DDX17: variants seen among roughly 807,000 people sequenced by gnomAD.
The protein encoded by DDX17 is DEAD-box helicase 17, also known as probable ATP-dependent RNA helicase DDX17.
DDX17 carries 10 observed loss-of-function variants against 80.8 expected under a neutral mutation model. The ratio of observed to expected loss-of-function variants is 0.12; its 90% CI spans 0.08 to 0.21. The LOEUF (loss-of-function observed/expected upper bound fraction) is 0.21. Ranked by LOEUF, DDX17 falls within the 10% of genes least tolerant of loss-of-function variation. The probability of loss-of-function intolerance (pLI) is 1.00; values close to 1 mark genes in which losing one functional copy is unlikely to be tolerated. For missense variants in DDX17, 586 were observed against 957.4 expected (o/e 0.61, Z 5.12); for synonymous variants, 339 against 336.2 (o/e 1.01, Z -0.09).
intron 11 of DDX17, chr22:38,488,549 A>G: frequency 2.0e-6 from 2 of 998,800 alleles, no homozygotes; most frequent in Non-Finnish European, 2.4e-6. Context: ...GAAGCCTGGC[A>G]AAATCTACCA....
At chr22:38,495,246 AT>A (rs138442) in intron 6 of DDX17, among the ~76,000 whole-genome samples, 200 bp from the exon 7 acceptor site, 35 of 130,634 alleles carry the variant, frequency 2.7e-4, no homozygotes, top group East Asian at 6.6e-4. Flanking sequence ...CAGAGAAGCT[AT>A]TTTTTTTTTT....
chr22:38,497,745 G>A lies in DDX17; in HGVS notation c.738+340C>T, dbSNP rs557730818. Among the ~76,000 whole-genome samples, 7 of 151,168 alleles carry A rather than the reference G, an allele frequency of 4.6e-5. No individual in the cohort carries two copies. In the South Asian group the frequency reaches 1.3e-3, roughly 27 times the overall value. On this transcript the variant is annotated intron_variant, in intron 5 of 12. Coordinates refer to ENST00000403230, the MANE Select transcript of DDX17 (RefSeq NM_006386.5). ...AGTTTGAGACCAGCCTGACCAACACGGAGCGAACCTCCATCTCAAAAAAAC... is the reference window on the plus strand; with the variant it reads ...AGTTTGAGACCAGCCTGACCAACACAGAGCGAACCTCCATCTCAAAAAAAC...
In DDX17 at chr22:38,494,658, C is replaced by T; in HGVS notation, c.1186G>A (p.Val396Ile). 1 of 1,614,200 alleles carries T rather than the reference C, an allele frequency of 6.2e-7. No individual in the cohort carries two copies. Among genetic ancestry groups the T allele is most frequent in the Middle Eastern group, 1.6e-4 (1 of 6,062 alleles). ...TGGTCTTTTTCACTTTCCATGCAGA[C>T]ATCCACTATCTGGAGGATGTTGTGG... The change falls in exon 8 of 13, where the codon GTC (valine) becomes ATC (isoleucine). Residue 396 changes from valine (V) to isoleucine (I), a missense_variant. Physicochemically the swap from Val to Ile is conservative, Grantham distance 29. Coordinates refer to ENST00000403230, the MANE Select transcript of DDX17 (RefSeq NM_006386.5).
chr22:38,499,160 T>TA (rs758793828), intron 3 of DDX17, among the ~76,000 whole-genome samples: 2 of 152,132 alleles, frequency 1.3e-5, no homozygotes, highest in Non-Finnish European at 2.9e-5. Context: ...AGAAAGCAAT[T>TA]TCATTCTGCT....
At chr22:38,502,510 TATTA>T (rs1156311358) in intron 1 of DDX17, among the ~76,000 whole-genome samples, 1 of 151,258 alleles carries the variant, frequency 6.6e-6, no homozygotes, top group Non-Finnish European at 1.5e-5. Context: ...CAAATGGTAT[TATTA>T]ATTTACAGAG....
chr22:38,497,912 T>C (rs946063688), intron 5 of DDX17, among the ~76,000 whole-genome samples, 173 bp downstream of exon 5: 87 of 152,216 alleles, frequency 5.7e-4, no homozygotes, highest in African/African-American at 2.0e-3. Flanking sequence ...AGCTATTCAA[T>C]TGCTGAGTGA....
Position 38,494,972 on chromosome 22 carries a change from A to T in DDX17, c.955T>A (p.Cys319Ser). ...GCTTCGTCCAATACAAGGTAAGTAC[A>T]TCGGCGAAGATTTGTCTTTCCTGAC... Residue 319 changes from cysteine (C) to serine (S), a missense_variant, in exon 7 of 13, where the codon TGT becomes AGT. Physicochemically the swap from Cys to Ser is moderately radical, Grantham distance 112. Transcript: ENST00000403230. The T allele has an allele frequency of 6.2e-7, 1 of 1,614,226 alleles. No homozygotes were observed. The highest frequency in any genetic ancestry group is 1.1e-5 in the South Asian group (1 of 91,084).
At chr22:38,498,172 ACAAC>A in intron 4 of DDX17, 22 bp from the exon 5 acceptor site, 2 of 1,610,728 alleles carry the variant, frequency 1.2e-6, no homozygotes, top group Non-Finnish European at 1.7e-6. Flanking sequence ...GGAAAGAATG[ACAAC>A]CTTACGCTTA....
chr22:38,492,110 G>A lies in DDX17; in HGVS notation c.1393C>T (p.Arg465Cys). 6.2e-7 allele frequency: 1 copy of A among 1,609,578 alleles called. No homozygotes were observed. The highest frequency in any genetic ancestry group is 8.5e-7 in the Non-Finnish European group (1 of 1,177,988). Residue 465 changes from arginine (R) to cysteine (C), a missense_variant, in exon 11 of 13, where the codon CGT becomes TGT. Around this residue, in one of 4 missense-constraint regions of DDX17, gnomAD observed 141 missense variants for 379.3 expected, o/e 0.37. Transcript: ENST00000403230. ...ATAAGGATGGGTGCCTTTCCAGAAC[G>A]GAACTCTGTAAAAACAAACAATAAT...
At chr22:38,505,125 T>C in intron 1 of DDX17, 1 of 152,332 alleles carries the variant, frequency 6.6e-6, no homozygotes, top group Non-Finnish European at 1.5e-5. Flanking sequence ...ATCAGGCTGG[T>C]CTCGAACTCC....
chr22:38,502,679 T>C (rs1278164579), intron 1 of DDX17, among the ~76,000 whole-genome samples: 2 of 152,224 alleles, frequency 1.3e-5, no homozygotes, highest in Non-Finnish European at 2.9e-5. Context: ...AATCAGAAGC[T>C]ACTTTTCCTA....
At chr22:38,505,622 G>C (rs959604190) in intron 1 of DDX17, 12 of 283,514 alleles carry the variant, frequency 4.2e-5, no homozygotes, top group Non-Finnish European at 7.2e-5. Flanking sequence ...TCGAGAGCCG[G>C]GAAACCAGGC....
At chr22:38,496,519 A>G (rs1198576106) in intron 5 of DDX17, among the ~76,000 whole-genome samples, 3 of 152,068 alleles carry the variant, frequency 2.0e-5, no homozygotes, top group African/African-American at 7.2e-5. Context: ...CCAGCTAATT[A>G]TTGTATTTTT....
At chr22:38,505,786 C>G in intron 1 of DDX17, 165 bp downstream of exon 1, 1 of 896,654 alleles carries the variant, frequency 1.1e-6, no homozygotes, top group Non-Finnish European at 1.6e-6. Flanking sequence ...CCCGAGTGAC[C>G]CCGGGGCCGA....
chr22:38,489,610 G>T lies in DDX17; in HGVS notation c.1448-1495C>A. 1.0e-6 allele frequency: 1 copy of T among 984,880 alleles called. No homozygotes were observed. The highest frequency in any genetic ancestry group is 1.2e-6 in the Non-Finnish European group (1 of 829,700). 61.0% of individuals were successfully genotyped at this position (984,880 alleles called of 1,614,324 possible). A position where few individuals can be genotyped will look rare whatever the true frequency, so the allele number is the denominator to read the frequency against. ...CCCAGACTGGATTAATTTCAAGGGA[G>T]AAAGGGGAGATTAAAAAAAAAAAAT... On this transcript the variant is annotated intron_variant, in intron 11 of 12. Transcript: ENST00000403230. This position sits in a 1 kb window ranked among gnomAD's most constrained non-coding sequence, Gnocchi z 4.6.
chr22:38,503,946 G>C (rs1056079621), intron 1 of DDX17, among the ~76,000 whole-genome samples: 29 of 152,144 alleles, frequency 1.9e-4, no homozygotes, highest in Non-Finnish European at 4.1e-4. Context: ...TAGTTCGTTT[G>C]AAATTTTTAA....
intron 2 of DDX17, 82 bp downstream of exon 2, chr22:38,501,048 A>C: frequency 6.7e-7 from 1 of 1,488,438 alleles, no homozygotes; most frequent in South Asian, 1.3e-5. Flanking sequence ...GTAAAACGGC[A>C]ACAGTAGCGT....
At position 38,503,412 on chromosome 22, in the gene DDX17, T is replaced by C. The variant is rs368652962; in HGVS notation, c.288-2132A>G. Among the ~76,000 whole-genome samples the C allele has an allele frequency of 9.9e-5, 15 of 152,242 alleles. No individual in the cohort carries two copies. In the East Asian group the frequency reaches 1.9e-3, roughly 20 times the overall value. On this transcript the variant is annotated intron_variant, in intron 1 of 12. Coordinates refer to ENST00000403230, the MANE Select transcript of DDX17 (RefSeq NM_006386.5). ...CCTGTTAAGGCTTTAAACTGATGAT[T>C]ATCATTCATGTATTTTTTTTTCCTC...
At chr22:38,502,411 C>CA (rs138458) in intron 1 of DDX17, among the ~76,000 whole-genome samples, 71,976 of 125,834 alleles carry the variant, frequency 0.57, 20,136 homozygotes, top group Admixed American at 0.67. Context: ...GAGGGTCCGT[C>CA]AAAAAAAAAA....
Sources: gnomAD v4.1 joint callset for allele counts (sites outside exome capture counted in the v4.1 genomes callset) on GRCh38, gnomAD v4.1.1 for gene constraint, gnomAD v4.1.1 regional missense constraint, Gnocchi (gnomAD v3.1) non-coding constraint, MANE v1.5 for transcripts, NCBI Gene and HGNC (gene_info 2026-07-23, HGNC 2026-07-21) for gene names.